Variants in PIK3C3 observed in about 807,000 individuals in gnomAD.
The protein encoded by PIK3C3 is phosphatidylinositol 3-kinase catalytic subunit type 3.
In PIK3C3, 95 loss-of-function variants were observed where a neutral mutation model predicts 126.1. That is an observed-to-expected ratio of 0.75 (90% CI 0.64 to 0.89). The LOEUF is 0.89. Ranked by LOEUF, PIK3C3 falls within the 40% of genes least tolerant of loss-of-function variation. The pLI is 0.00. For missense variants in PIK3C3, 829 were observed against 1,063.2 expected (o/e 0.78, Z 3.06); for synonymous variants, 374 against 360.0 (o/e 1.04, Z -0.44).
At chr18:41,970,535 C>CT (rs1568114945) in intron 4 of PIK3C3, 79 bp downstream of exon 4, 1 of 1,250,490 alleles carries the variant, frequency 8.0e-7, no homozygotes, top group Non-Finnish European at 1.2e-6. Flanking sequence ...ATTATGAACT[C>CT]TGTCAGATTT....
chr18:41,974,777 A>G (rs1980832742), intron 4 of PIK3C3, among the ~76,000 whole-genome samples: 1 of 152,066 alleles, frequency 6.6e-6, no homozygotes, highest in Non-Finnish European at 1.5e-5. Flanking sequence ...TCAGCTTGTC[A>G]TATTATAAGA....
chr18:42,043,736 T>G lies in PIK3C3; in HGVS notation c.2107T>G (p.Phe703Val). 1.2e-6 allele frequency: 2 copies of G among 1,606,838 alleles called. No homozygotes were observed. The highest frequency in any genetic ancestry group is 1.7e-6 in the Non-Finnish European group (2 of 1,173,836). ...VLDTEGSIQN[F>V]FRKYAPSENG... is the part of the protein sequence containing the mutation. ...CATGTAAATAATGTCTTTTCAGAAC[T>G]TTTTTAGAAAATATGCACCAAGTGA... The change falls in exon 20 of 25, where the codon TTT (phenylalanine) becomes GTT (valine). Residue 703 changes from phenylalanine to valine, a missense_variant. Around this residue, in one of 4 missense-constraint regions of PIK3C3, gnomAD observed 196 missense variants for 312.8 expected, o/e 0.63. Coordinates refer to ENST00000262039, the MANE Select transcript of PIK3C3 (RefSeq NM_002647.4).
intron 4 of PIK3C3, among the ~76,000 whole-genome samples, chr18:41,981,415 CT>C (rs1379594109): frequency 3.9e-5 from 6 of 152,086 alleles, no homozygotes; most frequent in Admixed American, 1.3e-4. Context: ...CTAAATGAAA[CT>C]TTTATGAAGC....
chr18:41,997,433 C>T (rs1982080722), intron 9 of PIK3C3, among the ~76,000 whole-genome samples: 1 of 152,042 alleles, frequency 6.6e-6, no homozygotes, highest in South Asian at 2.1e-4. Context: ...AGTCTTTGGA[C>T]ACTTAGTCTT....
intron 24 of PIK3C3, among the ~76,000 whole-genome samples, chr18:42,080,452 CAG>C (rs1243741103): frequency 7.3e-6 from 1 of 137,224 alleles, no homozygotes; most frequent in Non-Finnish European, 1.6e-5. Flanking sequence ...GTCTTAGAAA[CAG>C]AATTCATGTA....
At chr18:41,988,609 A>T (rs1301067047) in intron 5 of PIK3C3, among the ~76,000 whole-genome samples, 1 of 152,166 alleles carries the variant, frequency 6.6e-6, no homozygotes, top group African/African-American at 2.4e-5. Flanking sequence ...AACTTACTTA[A>T]TTTATATTCT....
chr18:41,988,194 C>T (rs1981593253), intron 5 of PIK3C3, among the ~76,000 whole-genome samples: 1 of 152,290 alleles, frequency 6.6e-6, no homozygotes, highest in African/African-American at 2.4e-5. Flanking sequence ...CATATCAGCT[C>T]ATGTTCAAGT....
At chr18:42,041,422 A>G (rs1984312987) in intron 19 of PIK3C3, among the ~76,000 whole-genome samples, 3 of 150,102 alleles carry the variant, frequency 2.0e-5, no homozygotes, top group African/African-American at 4.9e-5. Context: ...CCTTCAACCT[A>G]TTGCTCCCCT....
chr18:42,041,875 G>T (rs1015263375), intron 19 of PIK3C3, among the ~76,000 whole-genome samples: 1 of 152,206 alleles, frequency 6.6e-6, no homozygotes. Context: ...AATTCCACCT[G>T]TGTAACTTTC....
At chr18:42,052,376 G>A (rs1047124862) in intron 21 of PIK3C3, among the ~76,000 whole-genome samples, 21 of 152,108 alleles carry the variant, frequency 1.4e-4, no homozygotes, top group East Asian at 1.2e-3. Flanking sequence ...ACCCTAAAAC[G>A]TGCATAAGTA....
chr18:42,054,156 A>C (rs1235125633), intron 21 of PIK3C3, among the ~76,000 whole-genome samples: 567 of 35,772 alleles, frequency 0.016, 40 homozygotes, highest in South Asian at 0.045. Flanking sequence ...ATATATATAT[A>C]TATATATATA....
intron 9 of PIK3C3, among the ~76,000 whole-genome samples, chr18:42,002,918 G>A (rs1982358759): frequency 6.6e-6 from 1 of 152,198 alleles, no homozygotes. Flanking sequence ...AGTGTTGTCA[G>A]AGTAATGGCT....
At chr18:42,003,749 G>A (rs1237368343) in intron 9 of PIK3C3, among the ~76,000 whole-genome samples, 1 of 152,190 alleles carries the variant, frequency 6.6e-6, no homozygotes, top group Non-Finnish European at 1.5e-5. Flanking sequence ...GTTTGCTGCT[G>A]TTTCTGTACT....
chr18:42,064,946 A>T, intron 23 of PIK3C3, 116 bp downstream of exon 23: 1 of 611,790 alleles, frequency 1.6e-6, no homozygotes, highest in South Asian at 2.0e-5. Flanking sequence ...GTTCCTGCCC[A>T]CAGTCACATG....
In PIK3C3 at chr18:42,054,126, GTATATATATATATATATATA is replaced by G. The variant is rs60224978; in HGVS notation, c.2264-3710_2264-3691del. 1.6e-3 allele frequency among the ~76,000 whole-genome samples: 113 copies of G among 69,636 alleles called. 2 individuals carry two copies. The highest frequency in any genetic ancestry group is 6.1e-3 in the East Asian group (7 of 1,156). 45.7% of individuals were successfully genotyped at this position (69,636 alleles called of 152,430 possible). ...GTTCTCTAGAGGGACAGAACTAATG[GTATATATATATATATATATA>G]TATATATATATATATATATATATAT... On this transcript the variant is annotated intron_variant, in intron 21 of 24. Transcript: ENST00000262039.
At chr18:41,965,698 C>T (rs1319971053) in intron 3 of PIK3C3, among the ~76,000 whole-genome samples, 1 of 152,132 alleles carries the variant, frequency 6.6e-6, no homozygotes, top group Admixed American at 6.6e-5. Context: ...CTTACACGTG[C>T]ATTCATGCGT....
chr18:42,044,180 T>G (rs1290730187), intron 20 of PIK3C3, among the ~76,000 whole-genome samples: 2 of 152,194 alleles, frequency 1.3e-5, no homozygotes, highest in African/African-American at 4.8e-5. Context: ...AGATAAAGTT[T>G]AAGAGCTAAG....
At position 41,962,605 on chromosome 18, in the gene PIK3C3, C is replaced by A; in HGVS notation, c.374C>A (p.Thr125Lys). Reference protein sequence around the residue: ...GPGKAVPVGGTTVSLFGKYGM... With the variant: ...GPGKAVPVGGKTVSLFGKYGM... Reference sequence around the variant, plus strand: ...GGAAAAGCAGTGCCTGTAGGAGGAACAACGGTTTCGCTCTTTGGAAAATAC... The same window carrying A: ...GGAAAAGCAGTGCCTGTAGGAGGAAAAACGGTTTCGCTCTTTGGAAAATAC... Residue 125 changes from threonine (T) to lysine (K), a missense_variant, in exon 3 of 25, where the codon ACA becomes AAA. Around this residue, in one of 4 missense-constraint regions of PIK3C3, gnomAD observed 313 missense variants for 340.7 expected, o/e 0.92. Coordinates refer to ENST00000262039, the MANE Select transcript of PIK3C3 (RefSeq NM_002647.4). The A allele has an allele frequency of 1.2e-6, 2 of 1,611,426 alleles. No homozygotes were observed. The highest frequency in any genetic ancestry group is 1.7e-6 in the Non-Finnish European group (2 of 1,178,308).
chr18:42,083,833 A>G lies in PIK3C3; in HGVS notation c.*2696A>G, dbSNP rs1986332019. 6.6e-6 allele frequency: 1 copy of G among 152,236 alleles called. No homozygotes were observed. The allele number at this position is 152,236 out of a possible 1,614,324, so 9.4% of individuals were successfully genotyped here. ...TTTGAAGTCGAGTTAGACCCCAGTG[A>G]TCACAGTCTTGACGATTAAATTCTT... On this transcript the variant is annotated 3_prime_UTR_variant, in exon 25 of 25. Coordinates refer to ENST00000262039, the MANE Select transcript of PIK3C3 (RefSeq NM_002647.4).
Sources: allele counts gnomAD v4.1 joint callset (sites outside exome capture counted in the v4.1 genomes callset), GRCh38; gene constraint gnomAD v4.1.1; regional missense constraint gnomAD v4.1.1; transcripts MANE v1.5; gene names NCBI Gene and HGNC (gene_info 2026-07-23, HGNC 2026-07-21).